ITPRID2: variants seen among roughly 807,000 people sequenced by gnomAD.
The protein encoded by ITPRID2 is ITPR interacting domain containing 2.
ITPRID2 carries 60 observed loss-of-function variants against 124.3 expected under a neutral mutation model. The ratio of observed to expected loss-of-function variants is 0.48; its 90% CI spans 0.39 to 0.60. ITPRID2 has a LOEUF of 0.60. ITPRID2 is among the 20% of genes least tolerant of loss of function. The pLI is 0.00. For missense variants in ITPRID2, 1,553 were observed against 1,512.2 expected, an observed-to-expected ratio of 1.03 and a Z score of -0.45; for synonymous variants, 521 against 542.9, an observed-to-expected ratio of 0.96 and a Z score of 0.56.
chr2:181,906,293 G>C (rs1016471263), intron 8 of ITPRID2, among the ~76,000 whole-genome samples: 7 of 152,146 alleles, frequency 4.6e-5, no homozygotes, highest in Non-Finnish European at 7.3e-5. Context: ...CAGGGGGAAG[G>C]AGCACAGCGG....
Position 181,918,665 on chromosome 2 carries a change from C to T in ITPRID2, c.2855C>T (p.Pro952Leu), listed in dbSNP as rs1694256356. 3.1e-6 allele frequency: 5 copies of T among 1,614,050 alleles called. No individual in the cohort carries two copies. The highest frequency in any genetic ancestry group is 1.7e-4 in the Middle Eastern group (1 of 6,052). Residue 952 changes from proline (P) to leucine (L), a missense_variant, in exon 12 of 18, where the codon CCT becomes CTT. Pro to Leu is a moderately conservative substitution (Grantham distance 98). Transcript: ENST00000431877. Reference sequence around the variant, plus strand: ...AGTACTCAGAAATCATCTGTTCTACCTCTTTATGAAGTAAGTTCTTTCTTA... The same window carrying T: ...AGTACTCAGAAATCATCTGTTCTACTTCTTTATGAAGTAAGTTCTTTCTTA... Reference protein sequence around the residue: ...PYSTQKSSVLPLYENTFQELQ... With the variant: ...PYSTQKSSVLLLYENTFQELQ...
intron 4 of ITPRID2, among the ~76,000 whole-genome samples, chr2:181,897,228 G>A (rs1574202364): frequency 6.7e-6 from 1 of 149,236 alleles, no homozygotes; most frequent in South Asian, 2.1e-4. Flanking sequence ...GTAACAAACC[G>A]TGGTAATATA....
Position 181,928,232 on chromosome 2 carries a change from T to C in ITPRID2, c.3747T>C (p.Ser1249=). ...VSGLLAAVSS[S]KASNSKQDYH Reference sequence around the variant, plus strand: ...GACTTTTGGCAGCAGTATCTTCAAGTAAAGCGTCTAATTCTAAGCAAGATT... The same window carrying C: ...GACTTTTGGCAGCAGTATCTTCAAGCAAAGCGTCTAATTCTAAGCAAGATT... Residue 1249 remains serine (S), a synonymous_variant, in exon 17 of 18, where the codon AGT becomes AGC. Transcript: ENST00000431877. The C allele has an allele frequency of 6.4e-7, 1 of 1,550,676 alleles. No homozygotes were observed. The highest frequency in any genetic ancestry group is 8.7e-7 in the Non-Finnish European group (1 of 1,146,536).
rs1440340854 is a variant in ITPRID2, at chr2:181,922,145, C to A, written c.3408C>A (p.Gly1136=). 5 of 1,614,110 alleles carry A rather than the reference C, an allele frequency of 3.1e-6. No homozygotes were observed. The Admixed American group carries it at 6.7e-5, about 22-fold the overall frequency. Residue 1136 remains glycine (G), a synonymous_variant, in exon 16 of 18, where the codon GGC becomes GGA. Transcript: ENST00000431877. ...RTGVPSTASV[G]KSKTPLVARK... is the part of the protein sequence containing the mutation. ...GAGTACCTTCTACTGCCTCAGTGGG[C>A]AAATCCAAAACCCCATTAGTGGCAA...
In ITPRID2 at chr2:181,917,531, T is replaced by C. The variant is rs540765519; in HGVS notation, c.2788-1067T>C. On this transcript the variant is annotated intron_variant, in intron 11 of 17. Transcript: ENST00000431877. The stretch of plus-strand genomic sequence containing the variant: ...TCCAGGACCCTGTCCACCAGTACCG[T>C]GGTGCATCTTTCTAGGCCACCTAGT... 2.0e-5 allele frequency: 3 copies of C among 152,364 alleles called. No individual in the cohort carries two copies. The South Asian group carries it at 6.2e-4, about 32-fold the overall frequency. The allele number at this position is 152,364 out of a possible 1,614,324, so 9.4% of individuals were successfully genotyped here. A position where few individuals can be genotyped will look rare whatever the true frequency, so the allele number is the denominator to read the frequency against.
At chr2:181,924,173 T>C (rs1694685611) in intron 16 of ITPRID2, among the ~76,000 whole-genome samples, 1 of 152,142 alleles carries the variant, frequency 6.6e-6, no homozygotes, top group Non-Finnish European at 1.5e-5. Flanking sequence ...CCCAGCAAAA[T>C]ATGTATAGAT....
At chr2:181,927,592 T>C (rs781105705) in intron 16 of ITPRID2, among the ~76,000 whole-genome samples, 5 of 152,220 alleles carry the variant, frequency 3.3e-5, no homozygotes, top group South Asian at 2.1e-4. Context: ...CTTTAGAGTT[T>C]ATGGTTGTTT....
Position 181,891,802 on chromosome 2 carries a change from G to T in ITPRID2, c.-265G>T, listed in dbSNP as rs976169090. ...GGAGCAGGGGCCGGGCGGGCGCTCG[G>T]CTCCCAGCCGCGCTCCCTCGGGCCA... On this transcript the variant is annotated 5_prime_UTR_variant, in exon 1 of 18. Transcript: ENST00000431877. 3.3e-6 allele frequency: 1 copy of T among 299,656 alleles called. No individual in the cohort carries two copies. The highest frequency in any genetic ancestry group is 2.3e-5 in the African/African-American group (1 of 44,106). 18.6% of individuals were successfully genotyped at this position (299,656 alleles called of 1,614,324 possible). A position where few individuals can be genotyped will look rare whatever the true frequency, so the allele number is the denominator to read the frequency against.
In ITPRID2 at chr2:181,899,064, G is replaced by A. The variant is rs747510958; in HGVS notation, c.455G>A (p.Arg152Lys). The change falls in exon 6 of 18, where the codon AGA (arginine) becomes AAA (lysine). Residue 152 changes from arginine to lysine, a missense_variant. Arg to Lys is a conservative substitution (Grantham distance 26, BLOSUM62 2). Coordinates refer to ENST00000431877, the MANE Select transcript of ITPRID2 (RefSeq NM_001130445.3). ...ERRLQFHQKG[R>K]SMNSTGSGKS... Reference sequence around the variant, plus strand: ...AGATTACAGTTTCATCAGAAAGGGAGAAGTATGAATTCCACTGGATCTGGG... The same window carrying A: ...AGATTACAGTTTCATCAGAAAGGGAAAAGTATGAATTCCACTGGATCTGGG... 6.2e-7 allele frequency: 1 copy of A among 1,611,504 alleles called. No homozygotes were observed. The highest frequency in any genetic ancestry group is 8.5e-7 in the Non-Finnish European group (1 of 1,179,232).
chr2:181,899,131 G>A lies in ITPRID2; in HGVS notation c.503+19G>A, dbSNP rs111266735. On this transcript the variant is annotated intron_variant, in intron 6 of 17. Transcript: ENST00000431877. ...TTTCAAGGTAACTTATTCTGAAATTGTGTTGGAATTACATTGTGCTATAGA... is the reference window on the plus strand; with the variant it reads ...TTTCAAGGTAACTTATTCTGAAATTATGTTGGAATTACATTGTGCTATAGA... The A allele has an allele frequency of 6.5e-7, 1 of 1,546,480 alleles. No homozygotes were observed. The highest frequency in any genetic ancestry group is 1.4e-5 in the African/African-American group (1 of 72,564).
In ITPRID2 at chr2:181,915,620, C is replaced by G; in HGVS notation, c.1980C>G (p.His660Gln). ...SESEFTQYTTHHILKSLASIE... is the reference protein window; with the variant it reads ...SESEFTQYTTQHILKSLASIE... ...GTGAATTTACTCAGTATACCACACACCATATTCTGAAATCATTGGCTTCTA... is the reference window on the plus strand; with the variant it reads ...GTGAATTTACTCAGTATACCACACAGCATATTCTGAAATCATTGGCTTCTA... The change falls in exon 11 of 18, where the codon CAC (histidine) becomes CAG (glutamine). Residue 660 changes from histidine to glutamine, a missense_variant. By Grantham distance (24) the His-to-Gln change is conservative. Transcript: ENST00000431877. 1 of 1,614,160 alleles carries G rather than the reference C, an allele frequency of 6.2e-7. No homozygotes were observed.
At chr2:181,900,643 T>C (rs898095899) in intron 6 of ITPRID2, 53 bp from the exon 7 acceptor site, 8 of 1,278,686 alleles carry the variant, frequency 6.3e-6, no homozygotes, top group Non-Finnish European at 8.9e-6. Context: ...TGGTGTGGAC[T>C]ATCAATTTAT....
chr2:181,904,401 G>A (rs950412700), intron 8 of ITPRID2, among the ~76,000 whole-genome samples: 4 of 152,128 alleles, frequency 2.6e-5, no homozygotes, highest in Admixed American at 1.3e-4. Context: ...AGAAAATAAT[G>A]TATCTTCAGA....
At chr2:181,918,969 T>C in intron 13 of ITPRID2, 87 bp downstream of exon 13, 1 of 1,508,342 alleles carries the variant, frequency 6.6e-7, no homozygotes, top group Non-Finnish European at 9.0e-7. Flanking sequence ...TAGGTTTTGA[T>C]TCTACTGCTG....
chr2:181,920,574 A>G (rs1349931659), intron 14 of ITPRID2, 23 bp from the exon 15 acceptor site: 13 of 1,574,978 alleles, frequency 8.3e-6, no homozygotes, highest in East Asian at 2.2e-5. Flanking sequence ...ATATACATAT[A>G]TATATTGTTC....
chr2:181,926,976 T>C (rs1694915776), intron 16 of ITPRID2, among the ~76,000 whole-genome samples: 1 of 152,240 alleles, frequency 6.6e-6, no homozygotes. Flanking sequence ...TGCTGTGTGC[T>C]TCAGAATCTT....
rs745596780 is a variant in ITPRID2, at chr2:181,901,793, C to G, written c.740C>G (p.Thr247Ser). 3 of 1,612,280 alleles carry G rather than the reference C, an allele frequency of 1.9e-6. No homozygotes were observed. In the South Asian group the frequency reaches 3.3e-5, roughly 18 times the overall value. The change falls in exon 8 of 18, where the codon ACT (threonine) becomes AGT (serine). Residue 247 changes from threonine (T) to serine (S), a missense_variant. Transcript: ENST00000431877. The part of the protein sequence containing the change: ...TSRFRQIEVL[T>S]TVANAFSSLY... ...CGTTTTCGTCAAATTGAAGTGCTTACTACTGTGGCCAATGCGTTTTCTTCT... is the reference window on the plus strand; with the variant it reads ...CGTTTTCGTCAAATTGAAGTGCTTAGTACTGTGGCCAATGCGTTTTCTTCT...
intron 4 of ITPRID2, 60 bp downstream of exon 4, chr2:181,897,024 A>C: frequency 7.0e-7 from 1 of 1,420,366 alleles, no homozygotes; most frequent in Non-Finnish European, 9.9e-7. Context: ...AAAAATGAGA[A>C]AGCTGAATGG....
At chr2:181,923,010 T>G (rs560992969) in intron 16 of ITPRID2, among the ~76,000 whole-genome samples, 1 of 152,288 alleles carries the variant, frequency 6.6e-6, no homozygotes, top group African/African-American at 2.4e-5. Context: ...TTGATTTGGT[T>G]TGGTGTTTTT....
Sources: allele counts gnomAD v4.1 joint callset (sites outside exome capture counted in the v4.1 genomes callset), GRCh38; gene constraint gnomAD v4.1.1; transcripts MANE v1.5; gene names NCBI Gene and HGNC (gene_info 2026-07-23, HGNC 2026-07-21).